Variants in DYNC1I1 observed in about 807,000 individuals in gnomAD.
DYNC1I1 encodes the protein dynein cytoplasmic 1 intermediate chain 1, also known as cytoplasmic dynein 1 intermediate chain 1.
A neutral mutation model predicts 86.6 loss-of-function variants in DYNC1I1; 43 were observed. The ratio of observed to expected loss-of-function variants is 0.50; its 90% CI spans 0.39 to 0.64. The LOEUF is 0.64. Ranked by LOEUF, DYNC1I1 falls within the 30% of genes least tolerant of loss-of-function variation. The pLI is 0.00. For synonymous variants in DYNC1I1, 262 were observed against 283.7 expected (o/e 0.92, Z 0.77); for missense variants, 604 against 788.8 (o/e 0.77, Z 2.81).
At chr7:95,917,995 A>G (rs1281141024) in intron 6 of DYNC1I1, among the ~76,000 whole-genome samples, 3 of 152,228 alleles carry the variant, frequency 2.0e-5, no homozygotes, top group Non-Finnish European at 4.4e-5. Context: ...AACTGTAAAC[A>G]TGAGGACCAG....
chr7:95,946,227 T>C (rs1792396353), intron 6 of DYNC1I1, among the ~76,000 whole-genome samples: 1 of 151,948 alleles, frequency 6.6e-6, no homozygotes, highest in East Asian at 1.9e-4. Context: ...GATGGTTTGA[T>C]AGGTGCAGCA....
At chr7:95,897,282 A>G (rs1790907050) in intron 6 of DYNC1I1, among the ~76,000 whole-genome samples, 1 of 152,180 alleles carries the variant, frequency 6.6e-6, no homozygotes, top group Non-Finnish European at 1.5e-5. Flanking sequence ...CACTTTATAA[A>G]TCCTAGGAAA....
intron 6 of DYNC1I1, among the ~76,000 whole-genome samples, chr7:95,872,669 A>G (rs1038769993): frequency 1.3e-5 from 2 of 152,190 alleles, no homozygotes; most frequent in African/African-American, 4.8e-5. Context: ...TAAATTCTCC[A>G]TGAATACTGT....
At chr7:95,941,768 G>A (rs1792229797) in intron 6 of DYNC1I1, among the ~76,000 whole-genome samples, 1 of 152,210 alleles carries the variant, frequency 6.6e-6, no homozygotes, top group Admixed American at 6.5e-5. Flanking sequence ...GTGAGGCAAT[G>A]CCTTGCCCTG....
At chr7:95,997,586 T>C (rs1562967201) in intron 10 of DYNC1I1, among the ~76,000 whole-genome samples, 1 of 79,616 alleles carries the variant, frequency 1.3e-5, no homozygotes, top group Non-Finnish European at 2.5e-5. Context: ...GGCATTCTTG[T>C]GTGTGTGTGT....
chr7:95,783,442 G>T (rs79026675), intron 1 of DYNC1I1, among the ~76,000 whole-genome samples: 10 of 152,140 alleles, frequency 6.6e-5, no homozygotes, highest in African/African-American at 2.2e-4. Flanking sequence ...GTTACAGATC[G>T]TAGGGGCCAA....
At chr7:95,957,416 G>C (rs898862295) in intron 6 of DYNC1I1, among the ~76,000 whole-genome samples, 1 of 151,906 alleles carries the variant, frequency 6.6e-6, no homozygotes, top group Non-Finnish European at 1.5e-5. Flanking sequence ...TCCCTAAAAT[G>C]AATACATTGT....
At chr7:95,810,217 A>G (rs1794796740) in intron 2 of DYNC1I1, among the ~76,000 whole-genome samples, 175 bp from the exon 3 acceptor site, 2 of 152,196 alleles carry the variant, frequency 1.3e-5, no homozygotes, top group African/African-American at 4.8e-5. Flanking sequence ...GTACTGGGCC[A>G]GTAATTATTA....
chr7:95,851,211 A>C (rs1789569352), intron 5 of DYNC1I1, among the ~76,000 whole-genome samples: 1 of 152,138 alleles, frequency 6.6e-6, no homozygotes, highest in Non-Finnish European at 1.5e-5. Context: ...TTGGGATTGC[A>C]GACATGAGCC....
At chr7:96,077,276 T>G (rs1039347722) in intron 15 of DYNC1I1, among the ~76,000 whole-genome samples, 17 of 137,304 alleles carry the variant, frequency 1.2e-4, no homozygotes, top group Middle Eastern at 3.8e-3. Flanking sequence ...TGTGTGTGTG[T>G]GGGAGGGGGC....
At chr7:95,904,489 A>G (rs1238760854) in intron 6 of DYNC1I1, among the ~76,000 whole-genome samples, 3 of 152,188 alleles carry the variant, frequency 2.0e-5, no homozygotes, top group African/African-American at 4.8e-5. Context: ...AGACTGGGAG[A>G]TGAAGAGACA....
intron 4 of DYNC1I1, among the ~76,000 whole-genome samples, chr7:95,822,056 T>A (rs1449808974): frequency 6.6e-6 from 1 of 152,224 alleles, no homozygotes. Flanking sequence ...AACTTGTTGT[T>A]GGTAAAAGCT....
intron 6 of DYNC1I1, among the ~76,000 whole-genome samples, chr7:95,902,317 A>G (rs1584143058): frequency 1.3e-5 from 2 of 152,114 alleles, no homozygotes; most frequent in Non-Finnish European, 2.9e-5. Context: ...CTGTCTAGGG[A>G]TCCATTTAGT....
chr7:96,028,358 A>G (rs1472774235), intron 11 of DYNC1I1, 37 bp downstream of exon 11: 12 of 1,565,192 alleles, frequency 7.7e-6, no homozygotes, highest in Admixed American at 1.8e-5. Flanking sequence ...GTGAGCCGCC[A>G]GGCCCTGAAA....
Position 95,967,574 on chromosome 7 carries a change from T to C in DYNC1I1, c.491-9938T>C, listed in dbSNP as rs1306500055. Among the ~76,000 whole-genome samples, 3 of 152,200 alleles carry C rather than the reference T, an allele frequency of 2.0e-5. No homozygotes were observed. The East Asian group carries it at 5.8e-4, about 29-fold the overall frequency. On this transcript the variant is annotated intron_variant, in intron 6 of 16. Transcript: ENST00000447467. ...GTAAGGACCTCCCTTGCTCTCTGTG[T>C]AAAATTGTGACACCTACTACTGTGT...
At chr7:95,821,973 C>T (rs1795085739) in intron 4 of DYNC1I1, among the ~76,000 whole-genome samples, 1 of 152,130 alleles carries the variant, frequency 6.6e-6, no homozygotes, top group Non-Finnish European at 1.5e-5. Flanking sequence ...AGAACAAAAA[C>T]ACTCTTTAGG....
At chr7:95,859,548 C>G (rs1789819138) in intron 5 of DYNC1I1, among the ~76,000 whole-genome samples, 1 of 152,224 alleles carries the variant, frequency 6.6e-6, no homozygotes. Flanking sequence ...TCCACTGTGG[C>G]TGATGTGGTG....
At chr7:95,978,369 A>G (rs1286773298) in intron 7 of DYNC1I1, among the ~76,000 whole-genome samples, 1 of 152,210 alleles carries the variant, frequency 6.6e-6, no homozygotes, top group Non-Finnish European at 1.5e-5. Context: ...GAAAGAAAGA[A>G]AAAAGAAAAG....
chr7:95,976,412 T>C (rs1057150668), intron 6 of DYNC1I1, among the ~76,000 whole-genome samples: 2 of 152,224 alleles, frequency 1.3e-5, no homozygotes, highest in Non-Finnish European at 2.9e-5. Context: ...TTTTGTAAGT[T>C]ACTTATTTAT....
Sources: gnomAD v4.1 joint callset for allele counts (sites outside exome capture counted in the v4.1 genomes callset) on GRCh38, gnomAD v4.1.1 for gene constraint, MANE v1.5 for transcripts, NCBI Gene and HGNC (gene_info 2026-07-23, HGNC 2026-07-21) for gene names.